Variants in RAB33A observed in about 807,000 individuals in gnomAD.
RAB33A encodes ras-related protein Rab-33A.
Under a neutral mutation model 12.0 loss-of-function variants are expected in RAB33A, and 6 were observed. The observed-to-expected ratio is 0.50, with a 90% confidence interval of 0.27 to 0.99. The LOEUF (loss-of-function observed/expected upper bound fraction) is 0.99. Among genes scored for constraint, RAB33A ranks in the 50% least tolerant of loss-of-function variants. The pLI is 0.11. For missense variants in RAB33A, 109 were observed against 192.0 expected (o/e 0.57, Z 2.55); for synonymous variants, 70 against 82.4 (o/e 0.85, Z 0.81).
the RAB33A span, chrX:130,139,856 C>T: frequency 8.3e-7 from 1 of 1,210,629 alleles, no homozygotes; most frequent in Non-Finnish European, 1.1e-6. Context: ...GGCAGACAGA[C>T]TTCTTGGAGT....
chrX:130,149,396 C>T, the RAB33A span: 3 of 893,069 alleles, frequency 3.4e-6, no homozygotes, highest in Non-Finnish European at 4.9e-6. Flanking sequence ...ATCCATAAAT[C>T]ACAGCACCCA....
chrX:130,146,264 C>A, the RAB33A span, among the ~76,000 whole-genome samples: 1 of 110,658 alleles, frequency 9.0e-6, no homozygotes, highest in Non-Finnish European at 1.9e-5. Context: ...ATAGCAACAT[C>A]TCGTCTCTAG....
At chrX:130,180,386 G>T (rs973524545) in intron 1 of RAB33A, among the ~76,000 whole-genome samples, 1 of 112,520 alleles carries the variant, frequency 8.9e-6, no homozygotes, top group African/African-American at 3.2e-5. Context: ...GATCGGCAGT[G>T]ATTGGGCCTC....
the RAB33A span, among the ~76,000 whole-genome samples, chrX:130,126,576 A>C: frequency 9.0e-6 from 1 of 111,720 alleles, no homozygotes; most frequent in African/African-American, 3.2e-5. Context: ...ATCCTGGGTA[A>C]GTGGCAAGTT....
chrX:130,155,083 T>C, the RAB33A span: 4 of 1,122,577 alleles, frequency 3.6e-6, no homozygotes, highest in African/African-American at 3.6e-5. Flanking sequence ...TATATTCTAA[T>C]GTATCAAGTT....
At chrX:130,130,118 A>G in the RAB33A span, 1 of 1,209,825 alleles carries the variant, frequency 8.3e-7, no homozygotes, top group Non-Finnish European at 1.1e-6. Flanking sequence ...AGGAATAGTA[A>G]TTTCTGAGGC....
the RAB33A span, among the ~76,000 whole-genome samples, chrX:130,132,677 A>C: frequency 2.7e-5 from 3 of 111,562 alleles, no homozygotes; most frequent in South Asian, 7.4e-4. Flanking sequence ...TGCTGGGATT[A>C]GAGGCATGAG....
At chrX:130,156,934 G>A in the RAB33A span, among the ~76,000 whole-genome samples, 1 of 111,485 alleles carries the variant, frequency 9.0e-6, no homozygotes, top group Non-Finnish European at 1.9e-5. Context: ...ACAGAGAGAT[G>A]ACTGAATAGG....
chrX:130,119,226 C>A, the RAB33A span, among the ~76,000 whole-genome samples: 1 of 111,507 alleles, frequency 9.0e-6, no homozygotes, highest in African/African-American at 3.3e-5. Context: ...TCCCCCACCC[C>A]CTCCAGCCAG....
intron 1 of RAB33A, among the ~76,000 whole-genome samples, chrX:130,179,833 G>T (rs188643708): frequency 2.9e-5 from 3 of 103,117 alleles, no homozygotes; most frequent in African/African-American, 1.1e-4. Context: ...CCTCAGTGAC[G>T]AGTGTGGTCT....
At chrX:130,174,083 C>T (rs770368943) in intron 1 of RAB33A, among the ~76,000 whole-genome samples, 1 of 111,772 alleles carries the variant, frequency 8.9e-6, no homozygotes, top group East Asian at 2.8e-4. Context: ...GAGTCACCAC[C>T]CAGTGGCCTT....
the RAB33A span, among the ~76,000 whole-genome samples, chrX:130,161,208 C>T: frequency 9.0e-6 from 1 of 110,741 alleles, no homozygotes; most frequent in South Asian, 3.8e-4. Flanking sequence ...ACTGATTTTT[C>T]CAGCATGGAG....
the RAB33A span, chrX:130,133,248 C>A: frequency 8.4e-7 from 1 of 1,189,136 alleles, no homozygotes; most frequent in East Asian, 3.0e-5. Flanking sequence ...AACCATAACT[C>A]TGTGTTATGG....
the RAB33A span, chrX:130,155,397 A>G: frequency 1.1e-6 from 1 of 917,779 alleles, no homozygotes; most frequent in Non-Finnish European, 1.5e-6. Flanking sequence ...ACCCTGTGCT[A>G]AAAAAGGAAA....
the RAB33A span, among the ~76,000 whole-genome samples, chrX:130,158,820 T>A: frequency 9.0e-6 from 1 of 110,932 alleles, no homozygotes; most frequent in African/African-American, 3.3e-5. Flanking sequence ...AGGCTGATAC[T>A]TATGTCCCTG....
chrX:130,135,989 C>G, the RAB33A span: 26 of 1,205,242 alleles, frequency 2.2e-5, no homozygotes, highest in Non-Finnish European at 2.9e-5. Context: ...ACCGGGCAGA[C>G]TTGTTCACAG....
At chrX:130,140,425 G>T in the RAB33A span, 1 of 665,767 alleles carries the variant, frequency 1.5e-6, no homozygotes, top group Non-Finnish European at 2.5e-6. Flanking sequence ...ACTTCAGAGA[G>T]TCTGGGTTTC....
the RAB33A span, chrX:130,135,910 A>T: frequency 4.6e-6 from 4 of 870,145 alleles, no homozygotes; most frequent in Non-Finnish European, 6.7e-6. Flanking sequence ...ACACATTTCT[A>T]TTCTGTACCC....
At chrX:130,121,007 A>G in the RAB33A span, among the ~76,000 whole-genome samples, 1 of 112,260 alleles carries the variant, frequency 8.9e-6, no homozygotes, top group East Asian at 2.9e-4. Flanking sequence ...CTCAGCCCCA[A>G]GCGGCCTGAC....
Sources: gnomAD v4.1 joint callset for allele counts (sites outside exome capture counted in the v4.1 genomes callset) on GRCh38, gnomAD v4.1.1 for gene constraint, MANE v1.5 for transcripts, NCBI Gene and HGNC (gene_info 2026-07-23, HGNC 2026-07-21) for gene names.